The following MTX1 variants were observed in gnomAD, a reference collection of about 807,000 sequenced individuals.
The protein encoded by MTX1 is metaxin 1.
In MTX1, 20 loss-of-function variants were observed where a neutral mutation model predicts 39.4. The observed-to-expected ratio is 0.51, with a 90% CI of 0.36 to 0.74. The LOEUF (loss-of-function observed/expected upper bound fraction) is 0.74. Among genes scored for constraint, MTX1 ranks in the 30% least tolerant of loss-of-function variants. MTX1 has a pLI of 0.00. For synonymous variants in MTX1, 209 were observed against 198.6 expected, an observed-to-expected ratio of 1.05 and a Z score of -0.44; for missense variants, 481 against 485.9, an observed-to-expected ratio of 0.99 and a Z score of 0.10.
At chr1:155,213,080 TC>T (rs1389958790) in intron 6 of MTX1, among the ~76,000 whole-genome samples, 156 bp from the exon 7 acceptor site, 3 of 150,200 alleles carry the variant, frequency 2.0e-5, no homozygotes, top group Non-Finnish European at 4.4e-5. Flanking sequence ...TGGGGATCTC[TC>T]CCCATACCAG....
chr1:155,209,178 T>TGGCGGGG lies in MTX1; in HGVS notation c.381_387dup (p.Pro130GlyfsTer104). On this transcript the variant is annotated frameshift_variant, in exon 1 of 8. Coordinates refer to ENST00000368376, the MANE Select transcript of MTX1 (RefSeq NM_002455.5). LOFTEE classifies it high-confidence loss of function. ...CTGACCGCAACGATCGGAGGGGCGGTGGCGGGGGGCGGGCCCAGGCAGGGG... is the reference window on the plus strand; with the variant it reads ...CTGACCGCAACGATCGGAGGGGCGGTGGCGGGGGGCGGGGGGCGGGCCCAGGCAGGGG... The TGGCGGGG allele has an allele frequency of 6.7e-7, 1 of 1,482,506 alleles. No individual in the cohort carries two copies. The highest frequency in any genetic ancestry group is 9.0e-7 in the Non-Finnish European group (1 of 1,114,916). 91.8% of individuals were successfully genotyped at this position (1,482,506 alleles called of 1,614,324 possible).
chr1:155,208,986 G>C lies in MTX1; in HGVS notation c.182G>C (p.Arg61Pro). ...CGGGGCTCCACTTGGACGAGGCGCC[G>C]TGACTCTCCGAGGCGCGCCGGGCCG... Reference protein sequence around the residue: ...GVRGSTWTRRRDSPRRAGPTA... With the variant: ...GVRGSTWTRRPDSPRRAGPTA... Residue 61 changes from arginine (R) to proline (P), a missense_variant, in exon 1 of 8, where the codon CGT (arginine) becomes CCT (proline). By Grantham distance (103) the Arg-to-Pro change is moderately radical. Transcript: ENST00000368376. 1 of 1,603,694 alleles carries C rather than the reference G, an allele frequency of 6.2e-7. No individual in the cohort carries two copies. Among genetic ancestry groups the C allele is most frequent in the Non-Finnish European group, 8.5e-7 (1 of 1,176,528 alleles).
chr1:155,208,718 G>A lies in MTX1; in HGVS notation c.-87G>A. ...CCACCCAAGCCCCAGCCCGGCCTCCGCTCCGGCCGCCGCCACCGCCCCTGT... is the reference window on the plus strand; with the variant it reads ...CCACCCAAGCCCCAGCCCGGCCTCCACTCCGGCCGCCGCCACCGCCCCTGT... On this transcript the variant is annotated 5_prime_UTR_variant, in exon 1 of 8. Coordinates refer to ENST00000368376, the MANE Select transcript of MTX1 (RefSeq NM_002455.5). The A allele has an allele frequency of 2.3e-6, 1 of 438,348 alleles. No individual in the cohort carries two copies. Among genetic ancestry groups the A allele is most frequent in the Non-Finnish European group, 3.6e-6 (1 of 274,096 alleles). 27.2% of individuals were successfully genotyped at this position (438,348 alleles called of 1,614,324 possible).
rs866667432 is a variant in MTX1 at position 155,209,430 on chromosome 1, G to C, written c.528+98G>C. On this transcript the variant is annotated intron_variant, in intron 1 of 7. Coordinates refer to ENST00000368376, the MANE Select transcript of MTX1 (RefSeq NM_002455.5). ...AACCTTGCCAGGGCTACTCAGCACG[G>C]GCGCAGTGGGGGAAACTGAGGCAGT... 8 of 1,271,156 alleles carry C rather than the reference G, an allele frequency of 6.3e-6. No individual in the cohort carries two copies. The African/African-American group carries it at 1.1e-4, about 17-fold the overall frequency. 78.7% of individuals were successfully genotyped at this position (1,271,156 alleles called of 1,614,324 possible).
At chr1:155,212,249 T>C (rs757256236) in intron 4 of MTX1, 30 bp downstream of exon 4, 9 of 1,598,792 alleles carry the variant, frequency 5.6e-6, no homozygotes, top group South Asian at 4.5e-5. Flanking sequence ...CCAGCATCCA[T>C]GGCCAGCCGG....
At chr1:155,212,884 C>T (rs1394076501) in intron 6 of MTX1, 114 bp downstream of exon 6, 4 of 1,511,706 alleles carry the variant, frequency 2.6e-6, no homozygotes, top group Middle Eastern at 2.0e-4. Context: ...ATAGGAGGTC[C>T]CTGGGATAGA....
rs1483630151 is a variant in MTX1, at chr1:155,210,555, G to A, written c.606G>A (p.Leu202=). 1 of 1,614,008 alleles carries A rather than the reference G, an allele frequency of 6.2e-7. No homozygotes were observed. Among genetic ancestry groups the A allele is most frequent in the Non-Finnish European group, 8.5e-7 (1 of 1,179,992 alleles). The change falls in exon 3 of 8, where the codon CTG becomes CTA. Residue 202 remains leucine, a synonymous_variant. Coordinates refer to ENST00000368376, the MANE Select transcript of MTX1 (RefSeq NM_002455.5). ...CTTCCCTCTCAATATCAGGAACTCT[G>A]CCTGCCCTTCGGACCAGTCATGGAG... ...SNPWQSPSGT[L]PALRTSHGEV... is the part of the protein sequence containing the mutation.
chr1:155,210,732 A>T lies in MTX1; in HGVS notation c.678+105A>T, dbSNP rs1352143758. On this transcript the variant is annotated intron_variant, in intron 3 of 7. Transcript: ENST00000368376. ...ATATATGCCATGCTAGATGCAGGTGACCCAGAGCATCAAGGAGCAACAGTC... is the reference window on the plus strand; with the variant it reads ...ATATATGCCATGCTAGATGCAGGTGTCCCAGAGCATCAAGGAGCAACAGTC... 3 of 1,052,556 alleles carry T rather than the reference A, an allele frequency of 2.9e-6. No homozygotes were observed. In the African/African-American group the frequency reaches 4.7e-5, roughly 17 times the overall value. The allele number at this position is 1,052,556 out of a possible 1,614,324, so 65.2% of individuals were successfully genotyped here. A position where few individuals can be genotyped will look rare whatever the true frequency, so the allele number is the denominator to read the frequency against.
In MTX1 at chr1:155,209,048, G is replaced by A. The variant is rs1670939954; in HGVS notation, c.244G>A (p.Gly82Ser). 6.5e-7 allele frequency: 1 copy of A among 1,542,844 alleles called. No homozygotes were observed. The highest frequency in any genetic ancestry group is 8.7e-7 in the Non-Finnish European group (1 of 1,143,714). ...LSRYVGHLWM[G>S]RRPPSPEARG... ...CCGCTACGTGGGCCACCTCTGGATG[G>A]GCCGGCGGCCGCCCTCCCCCGAGGC... Residue 82 changes from glycine (G) to serine (S), a missense_variant, in exon 1 of 8, where the codon GGC becomes AGC. Physicochemically the swap from Gly to Ser is moderately conservative, Grantham distance 56. Transcript: ENST00000368376.
chr1:155,212,248 A>C, intron 4 of MTX1, 29 bp downstream of exon 4: 1 of 1,599,248 alleles, frequency 6.3e-7, no homozygotes, highest in East Asian at 2.2e-5. Flanking sequence ...CCCAGCATCC[A>C]TGGCCAGCCG....
At position 155,213,476 on chromosome 1, in the gene MTX1, A is replaced by C. The variant is rs1408046970; in HGVS notation, c.1187-8A>C. ...TCTCCTAACACACCTTCCTTCCTTG[A>C]CCCTCAGCTGAGGTACCACCGCAAC... is the stretch of plus-strand genomic sequence containing the variant. On this transcript the variant is annotated splice_region_variant and splice_polypyrimidine_tract_variant and intron_variant, in intron 7 of 7. Coordinates refer to ENST00000368376, the MANE Select transcript of MTX1 (RefSeq NM_002455.5). The C allele has an allele frequency of 3.3e-5, 6 of 179,720 alleles. No homozygotes were observed. Among genetic ancestry groups the C allele is most frequent in the African/African-American group, 1.8e-4 (1 of 5,566 alleles). The allele number at this position is 179,720 out of a possible 1,614,324, so 11.1% of individuals were successfully genotyped here.
At position 155,208,757 on chromosome 1, in the gene MTX1, C is replaced by T; in HGVS notation, c.-48C>T. Reference sequence around the variant, plus strand: ...CACCGCCCCTGTTTTGTTTCCATGGCGACAGGCGGCGCAGGGCCCGCTCCA... The same window carrying T: ...CACCGCCCCTGTTTTGTTTCCATGGTGACAGGCGGCGCAGGGCCCGCTCCA... On this transcript the variant is annotated 5_prime_UTR_variant, in exon 1 of 8. Transcript: ENST00000368376. 7.2e-7 allele frequency: 1 copy of T among 1,392,744 alleles called. No individual in the cohort carries two copies. 86.3% of individuals were successfully genotyped at this position (1,392,744 alleles called of 1,614,324 possible). A position where few individuals can be genotyped will look rare whatever the true frequency, so the allele number is the denominator to read the frequency against.
chr1:155,212,130 T>C lies in MTX1; in HGVS notation c.682T>C (p.Tyr228His), dbSNP rs201017167. The C allele has an allele frequency of 1.1e-5, 18 of 1,605,012 alleles. No homozygotes were observed. Among genetic ancestry groups the C allele is most frequent in the African/African-American group, 1.3e-5 (1 of 74,674 alleles). Residue 228 changes from tyrosine to histidine, a missense_variant, in exon 4 of 8, where the codon TAC becomes CAC. Physicochemically the swap from Tyr to His is moderately conservative, Grantham distance 83. This residue lies in a region of MTX1 where 368 missense variants were observed against 332.8 expected (regional missense o/e 1.11). Transcript: ENST00000368376. The part of the protein sequence containing the change: ...KIITHLRKEK[Y>H]NADYDLSARQ... ...GCCATGGATATTTCCTCCACAGAAG[T>C]ACAATGCTGATTATGATCTGTCAGC...
In MTX1 at chr1:155,208,949, C is replaced by T. The variant is rs1307510514; in HGVS notation, c.145C>T (p.Pro49Ser). The change falls in exon 1 of 8, where the codon CCT becomes TCT. Residue 49 changes from proline to serine, a missense_variant. By Grantham distance (74) the Pro-to-Ser change is moderately conservative. Transcript: ENST00000368376. ...TRPRSPEPAA[P>S]SGVRGSTWTR... The stretch of plus-strand genomic sequence containing the variant: ...ACCCCGCTCTCCAGAGCCTGCCGCG[C>T]CTTCAGGGGTTCGGGGCTCCACTTG... 1.9e-6 allele frequency: 3 copies of T among 1,609,874 alleles called. No homozygotes were observed. Among genetic ancestry groups the T allele is most frequent in the East Asian group, 2.2e-5 (1 of 44,750 alleles).
rs1191582178 is a variant in MTX1 at position 155,210,334 on chromosome 1, C to T, written c.529-12C>T. On this transcript the variant is annotated splice_polypyrimidine_tract_variant and intron_variant, in intron 1 of 7. Transcript: ENST00000368376. ...GGCTCTGCCTCTCTGACTTCTGCTT[C>T]CTTCCCTGCAGACCTATGCCAGATT... 1.2e-6 allele frequency: 2 copies of T among 1,613,242 alleles called. No individual in the cohort carries two copies. The highest frequency in any genetic ancestry group is 4.5e-5 in the East Asian group (2 of 44,852).
At chr1:155,209,429 G>C (rs897432785) in intron 1 of MTX1, 97 bp downstream of exon 1, 26 of 1,259,708 alleles carry the variant, frequency 2.1e-5, no homozygotes, top group Non-Finnish European at 2.7e-5. Flanking sequence ...TACTCAGCAC[G>C]GGCGCAGTGG....
chr1:155,212,574 C>T lies in MTX1; in HGVS notation c.954+7C>T, dbSNP rs780554752. 17 of 1,605,816 alleles carry T rather than the reference C, an allele frequency of 1.1e-5. No homozygotes were observed. The South Asian group carries it at 1.7e-4, about 16-fold the overall frequency. ...GGAAGAGCTGGAGAAGGAGGTAGCT[C>T]TGAGACCGGGGGCTATTGTATGAGA... On this transcript the variant is annotated splice_region_variant and intron_variant, in intron 5 of 7. Transcript: ENST00000368376.
In MTX1 at chr1:155,209,078, GGC is replaced by G; in HGVS notation, c.275_276del (p.Gly92AlafsTer139). 1.3e-6 allele frequency: 2 copies of G among 1,539,342 alleles called. No individual in the cohort carries two copies. The highest frequency in any genetic ancestry group is 1.8e-6 in the Non-Finnish European group (2 of 1,141,628). On this transcript the variant is annotated frameshift_variant, in exon 1 of 8. Transcript: ENST00000368376. LOFTEE classifies it high-confidence loss of function. ...GCGGCCGCCCTCCCCCGAGGCCCGCGGCCCAGTCCCCCGCAGTTCAGCTGCCA... is the reference window on the plus strand; with the variant it reads ...GCGGCCGCCCTCCCCCGAGGCCCGCGCCAGTCCCCCGCAGTTCAGCTGCCA... The part of the protein sequence containing the change: ...GRRPPSPEAR[G>X]PVPRSSAASR...
Position 155,208,718 on chromosome 1 carries a change from G to C in MTX1, c.-87G>C. ...CCACCCAAGCCCCAGCCCGGCCTCC[G>C]CTCCGGCCGCCGCCACCGCCCCTGT... On this transcript the variant is annotated 5_prime_UTR_variant, in exon 1 of 8. Transcript: ENST00000368376. 1.0e-3 allele frequency: 452 copies of C among 436,884 alleles called. No individual in the cohort carries two copies. Among genetic ancestry groups the C allele is most frequent in the Middle Eastern group, 1.6e-3 (2 of 1,290 alleles). The allele number at this position is 436,884 out of a possible 1,614,324, so 27.1% of individuals were successfully genotyped here.
Sources: gnomAD v4.1 joint callset for allele counts (sites outside exome capture counted in the v4.1 genomes callset) on GRCh38, gnomAD v4.1.1 for gene constraint, gnomAD v4.1.1 regional missense constraint, MANE v1.5 for transcripts, NCBI Gene and HGNC (gene_info 2026-07-23, HGNC 2026-07-21) for gene names.